Variants in STX6 observed in about 807,000 individuals in gnomAD.
The protein encoded by STX6 is syntaxin-6.
In STX6, 23 loss-of-function variants were observed where a neutral mutation model predicts 38.0. The ratio of observed to expected loss-of-function variants is 0.60; its 90% confidence interval spans 0.43 to 0.86. The LOEUF (loss-of-function observed/expected upper bound fraction) is 0.86. Ranked by LOEUF, STX6 falls within the 40% of genes least tolerant of loss-of-function variation. The probability of loss-of-function intolerance (pLI) is 0.00; values close to 1 mark genes in which losing one functional copy is unlikely to be tolerated. For missense variants in STX6, 274 were observed against 312.9 expected (o/e 0.88, Z 0.94); for synonymous variants, 123 against 107.5 (o/e 1.14, Z -0.89).
intron 4 of STX6, among the ~76,000 whole-genome samples, chr1:180,992,938 C>T (rs1441231012): frequency 6.6e-6 from 1 of 152,064 alleles, no homozygotes; most frequent in African/African-American, 2.4e-5. Flanking sequence ...AACAAACAAA[C>T]AAGAAACAAA....
Position 181,022,751 on chromosome 1 carries a change from G to T in STX6, c.-78C>A. 2.1e-6 allele frequency: 3 copies of T among 1,431,016 alleles called. No individual in the cohort carries two copies. The highest frequency in any genetic ancestry group is 2.9e-6 in the Non-Finnish European group (3 of 1,043,822). The allele number at this position is 1,431,016 out of a possible 1,614,324, so 88.6% of individuals were successfully genotyped here. ...CTCCCGGTCTCCCTCCGCCCACCCC[G>T]CCTGTTCCCGCAGCTGCCCGCGCCT... is the stretch of plus-strand genomic sequence containing the variant. On this transcript the variant is annotated 5_prime_UTR_variant, in exon 1 of 8. Transcript: ENST00000258301.
At chr1:180,988,183 T>C (rs939011556) in intron 6 of STX6, 56 bp downstream of exon 6, 57 of 1,326,052 alleles carry the variant, frequency 4.3e-5, no homozygotes, top group Middle Eastern at 3.7e-4. Context: ...AGGGGTGTCA[T>C]AGGATGGCTC....
At chr1:181,001,378 T>C (rs1296065508) in intron 3 of STX6, among the ~76,000 whole-genome samples, 4 of 152,272 alleles carry the variant, frequency 2.6e-5, no homozygotes, top group African/African-American at 7.2e-5. Flanking sequence ...CTTAGCCATA[T>C]AGTTTCAAAA....
chr1:180,991,681 G>A (rs1399582311), intron 4 of STX6, among the ~76,000 whole-genome samples: 1 of 152,090 alleles, frequency 6.6e-6, no homozygotes, highest in East Asian at 1.9e-4. Flanking sequence ...AGGGCCCAAG[G>A]ACTGGAAGAT....
At chr1:180,985,397 T>A (rs1055065392) in intron 6 of STX6, among the ~76,000 whole-genome samples, 4 of 152,248 alleles carry the variant, frequency 2.6e-5, no homozygotes, top group African/African-American at 9.6e-5. Context: ...CACAGGGCTC[T>A]TGTGAGAACC....
intron 6 of STX6, among the ~76,000 whole-genome samples, chr1:180,986,808 T>C (rs913825045): frequency 2.6e-4 from 39 of 152,180 alleles, no homozygotes; most frequent in Non-Finnish European, 2.2e-4. Context: ...CATCTTTAAC[T>C]GGAAGTCCCT....
chr1:181,013,998 T>G (rs1656483360), intron 1 of STX6, among the ~76,000 whole-genome samples: 1 of 152,246 alleles, frequency 6.6e-6, no homozygotes, highest in Admixed American at 6.5e-5. Flanking sequence ...GCAGCGTCAC[T>G]TCTGCTTCAA....
intron 1 of STX6, among the ~76,000 whole-genome samples, chr1:181,018,310 G>C (rs1162389922): frequency 2.9e-5 from 4 of 137,044 alleles, no homozygotes; most frequent in Non-Finnish European, 4.6e-5. Context: ...TTGAACCCAA[G>C]AGGTAGAGGT....
At chr1:180,985,954 A>G (rs969982794) in intron 6 of STX6, among the ~76,000 whole-genome samples, 1 of 152,220 alleles carries the variant, frequency 6.6e-6, no homozygotes, top group Non-Finnish European at 1.5e-5. Context: ...GACAACTAAA[A>G]TAAGTCTTTG....
At position 181,005,436 on chromosome 1, in the gene STX6, G is replaced by A. The variant is rs1030396655; in HGVS notation, c.63C>T (p.Ala21=). 7 of 1,613,838 alleles carry A rather than the reference G, an allele frequency of 4.3e-6. No homozygotes were observed. The highest frequency in any genetic ancestry group is 5.9e-6 in the Non-Finnish European group (7 of 1,179,848). ...CTGTCCATCTCTGAAACAATCCCTG[G>A]GCAGTGTTGACTGCTTTCTGTACCT... The part of the protein sequence containing the change: ...KGEVQKAVNT[A]QGLFQRWTEL... The change falls in exon 2 of 8, where the codon GCC becomes GCT. Residue 21 remains alanine (A), a synonymous_variant. Transcript: ENST00000258301.
rs187791981 is a variant in STX6, at chr1:180,977,116, T to C, written c.692-470A>G. On this transcript the variant is annotated intron_variant, in intron 7 of 7. Coordinates refer to ENST00000258301, the MANE Select transcript of STX6 (RefSeq NM_005819.6). ...CTACTGCTGGTCACTTCAGGAAATA[T>C]ACAGCTGAAAAAGCAAGCTCCAGTG... Among the ~76,000 whole-genome samples, 45 of 152,310 alleles carry C rather than the reference T, an allele frequency of 3.0e-4. No individual in the cohort carries two copies. The East Asian group carries it at 4.8e-3, about 16-fold the overall frequency.
intron 3 of STX6, among the ~76,000 whole-genome samples, chr1:180,998,849 C>A (rs570038383): frequency 6.6e-6 from 1 of 152,344 alleles, no homozygotes; most frequent in South Asian, 2.1e-4. Flanking sequence ...TTCTTTCTAA[C>A]ACATGACGTT....
intron 3 of STX6, among the ~76,000 whole-genome samples, chr1:180,999,979 A>T (rs35672928): frequency 6.6e-6 from 1 of 152,006 alleles, no homozygotes; most frequent in African/African-American, 2.4e-5. Context: ...TATACAAGGT[A>T]TATTTTATTT....
intron 1 of STX6, among the ~76,000 whole-genome samples, chr1:181,009,780 G>A (rs1218249583): frequency 6.7e-6 from 1 of 148,584 alleles, no homozygotes; most frequent in Non-Finnish European, 1.5e-5. Context: ...CCACTCCTAA[G>A]TGAAATGAAA....
chr1:180,980,253 C>A (rs548319323), intron 7 of STX6, among the ~76,000 whole-genome samples: 3 of 146,418 alleles, frequency 2.0e-5, no homozygotes, highest in Non-Finnish European at 3.0e-5. Flanking sequence ...GGGAAGCATA[C>A]GAAAAGATGT....
At chr1:180,992,922 A>G (rs1394037449) in intron 4 of STX6, among the ~76,000 whole-genome samples, 1 of 152,194 alleles carries the variant, frequency 6.6e-6, no homozygotes, top group Non-Finnish European at 1.5e-5. Context: ...TAGAGAGCTC[A>G]AAACAAACAA....
chr1:181,018,623 C>T (rs1352522969), intron 1 of STX6, among the ~76,000 whole-genome samples: 1 of 152,016 alleles, frequency 6.6e-6, no homozygotes, highest in Non-Finnish European at 1.5e-5. Context: ...GATAAAAGAG[C>T]AATCCCTGTT....
At position 180,990,122 on chromosome 1, in the gene STX6, A is replaced by G; in HGVS notation, c.364-13T>C. 1 of 1,614,098 alleles carries G rather than the reference A, an allele frequency of 6.2e-7. No individual in the cohort carries two copies. Among genetic ancestry groups the G allele is most frequent in the Non-Finnish European group, 8.5e-7 (1 of 1,179,992 alleles). ...CTCCCAGCAGTGCCTGTGTGAGAAG[A>G]ACAACCAGAGGAGTCAGGAGAAACA... On this transcript the variant is annotated splice_polypyrimidine_tract_variant and intron_variant, in intron 4 of 7. Transcript: ENST00000258301.
At chr1:180,994,528 C>T (rs1655844534) in intron 3 of STX6, among the ~76,000 whole-genome samples, 1 of 152,194 alleles carries the variant, frequency 6.6e-6, no homozygotes, top group Non-Finnish European at 1.5e-5. Context: ...AGATGCAGTT[C>T]CCCTGGATGT....
Sources: allele counts gnomAD v4.1 joint callset (sites outside exome capture counted in the v4.1 genomes callset), GRCh38; gene constraint gnomAD v4.1.1; transcripts MANE v1.5; gene names NCBI Gene and HGNC (gene_info 2026-07-23, HGNC 2026-07-21).